UTRN: variants seen among roughly 807,000 people sequenced by gnomAD.
The protein encoded by UTRN is dystrophin-related protein 1.
In UTRN, 283 loss-of-function variants were observed where a neutral mutation model predicts 463.9. The ratio of observed to expected loss-of-function variants is 0.61; its 90% CI spans 0.55 to 0.67. The LOEUF (loss-of-function observed/expected upper bound fraction) is 0.67. Among genes scored for constraint, UTRN ranks in the 30% least tolerant of loss-of-function variants. The probability of loss-of-function intolerance (pLI) is 0.00; values close to 1 mark genes in which losing one functional copy is unlikely to be tolerated. For synonymous variants in UTRN, 1,442 were observed against 1,431.5 expected (o/e 1.01, Z -0.17); for missense variants, 3,922 against 4,084.3 (o/e 0.96, Z 1.08).
intron 51 of UTRN, among the ~76,000 whole-genome samples, chr6:144,662,652 G>T (rs1349680821): frequency 6.6e-6 from 1 of 152,156 alleles, no homozygotes; most frequent in Non-Finnish European, 1.5e-5. Flanking sequence ...TTAAGAAAAC[G>T]AGGGTCCACT....
chr6:144,428,009 G>A (rs980789001), intron 7 of UTRN, among the ~76,000 whole-genome samples: 8 of 152,140 alleles, frequency 5.3e-5, no homozygotes, highest in Admixed American at 2.0e-4. Flanking sequence ...GACCTGAGTG[G>A]GGGGAGTAAT....
At chr6:144,491,471 A>G (rs1793070326) in intron 32 of UTRN, among the ~76,000 whole-genome samples, 1 of 152,228 alleles carries the variant, frequency 6.6e-6, no homozygotes, top group African/African-American at 2.4e-5. Flanking sequence ...CTTAGAATGG[A>G]TATCGTAAAA....
intron 19 of UTRN, among the ~76,000 whole-genome samples, chr6:144,457,212 A>C (rs1788940267): frequency 6.6e-6 from 1 of 152,202 alleles, no homozygotes; most frequent in African/African-American, 2.4e-5. Context: ...GGATTAGAGA[A>C]AGGGAGATTC....
intron 50 of UTRN, among the ~76,000 whole-genome samples, chr6:144,557,940 T>G (rs976513748): frequency 2.6e-5 from 4 of 152,222 alleles, no homozygotes; most frequent in Admixed American, 2.6e-4. Flanking sequence ...TTAGCATCTC[T>G]TTAAGACTGC....
chr6:144,572,291 A>G (rs1261646339), intron 50 of UTRN, among the ~76,000 whole-genome samples: 2 of 151,880 alleles, frequency 1.3e-5, no homozygotes, highest in South Asian at 2.1e-4. Flanking sequence ...TTGATTTGCA[A>G]ACTGAGTTCT....
intron 58 of UTRN, 114 bp from the exon 59 acceptor site, chr6:144,771,793 C>G: frequency 1.3e-6 from 1 of 758,614 alleles, no homozygotes; most frequent in Non-Finnish European, 2.0e-6. Flanking sequence ...GATAATTTTG[C>G]ATGTATTTTT....
At chr6:144,382,493 G>A (rs933471788) in intron 2 of UTRN, among the ~76,000 whole-genome samples, 2 of 152,186 alleles carry the variant, frequency 1.3e-5, no homozygotes, top group Admixed American at 6.5e-5. Flanking sequence ...GGGAATTTGT[G>A]CAGTGTACTA....
chr6:144,348,332 G>A (rs746108718), intron 2 of UTRN, among the ~76,000 whole-genome samples: 1 of 152,306 alleles, frequency 6.6e-6, no homozygotes, highest in African/African-American at 2.4e-5. Context: ...GGAAAGGATG[G>A]TGTGTGAAGT....
Position 144,451,509 on chromosome 6 carries a change from C to G in UTRN, c.2196+16C>G, listed in dbSNP as rs1344509532. The G allele has an allele frequency of 6.2e-7, 1 of 1,605,386 alleles. No homozygotes were observed. Among genetic ancestry groups the G allele is most frequent in the Admixed American group, 1.7e-5 (1 of 58,828 alleles). ...GAAGTTGAAGGTAAAAAACATAAACCACATATATCCTAGTGCATAAAATAG... is the reference window on the plus strand; with the variant it reads ...GAAGTTGAAGGTAAAAAACATAAACGACATATATCCTAGTGCATAAAATAG... On this transcript the variant is annotated intron_variant, in intron 18 of 74. Transcript: ENST00000367545.
chr6:144,604,673 G>A (rs1562637512), intron 51 of UTRN, among the ~76,000 whole-genome samples: 2 of 152,044 alleles, frequency 1.3e-5, no homozygotes, highest in Non-Finnish European at 2.9e-5. Flanking sequence ...CAGCACTTTG[G>A]GAGGCTGAGG....
intron 2 of UTRN, among the ~76,000 whole-genome samples, chr6:144,307,688 G>A (rs890773900): frequency 1.3e-5 from 2 of 152,052 alleles, no homozygotes; most frequent in African/African-American, 4.8e-5. Flanking sequence ...AGTTTGAAGG[G>A]CAAAATTTCT....
At chr6:144,355,054 A>C (rs1020114542) in intron 2 of UTRN, among the ~76,000 whole-genome samples, 5 of 151,870 alleles carry the variant, frequency 3.3e-5, no homozygotes, top group African/African-American at 7.3e-5. Flanking sequence ...TTTTTGTTGT[A>C]GTTCAGTGAA....
chr6:144,471,191 T>C (rs1418970680), intron 23 of UTRN, among the ~76,000 whole-genome samples: 1 of 151,096 alleles, frequency 6.6e-6, no homozygotes, highest in African/African-American at 2.4e-5. Flanking sequence ...TGTGCCCTGA[T>C]GGGTCTGCGT....
intron 2 of UTRN, among the ~76,000 whole-genome samples, chr6:144,311,403 A>G (rs532213834): frequency 1.3e-5 from 2 of 152,302 alleles, no homozygotes; most frequent in East Asian, 1.9e-4. Context: ...GTCTTTTGGA[A>G]CACAATTTGA....
intron 73 of UTRN, among the ~76,000 whole-genome samples, chr6:144,846,383 G>A (rs1782014222): frequency 6.6e-6 from 1 of 152,212 alleles, no homozygotes; most frequent in African/African-American, 2.4e-5. Context: ...TGTGTCAAGG[G>A]TGGGTCAAGA....
At chr6:144,542,181 T>C (rs1798031985) in intron 45 of UTRN, among the ~76,000 whole-genome samples, 1 of 152,168 alleles carries the variant, frequency 6.6e-6, no homozygotes, top group South Asian at 2.1e-4. Flanking sequence ...AGAATTGATA[T>C]AGAAAGATGA....
At chr6:144,591,363 G>T (rs942091808) in intron 51 of UTRN, among the ~76,000 whole-genome samples, 2 of 152,136 alleles carry the variant, frequency 1.3e-5, no homozygotes, top group African/African-American at 4.8e-5. Context: ...TTGAGGAAAT[G>T]CAAGAAAAAA....
rs560784337 is a variant in UTRN at position 144,462,667 on chromosome 6, T to G, written c.2867T>G (p.Ile956Ser). The change falls in exon 23 of 75, where the codon ATC becomes AGC. Residue 956 changes from isoleucine to serine, a missense_variant. Ile to Ser is a moderately radical substitution (Grantham distance 142). Coordinates refer to ENST00000367545, the MANE Select transcript of UTRN (RefSeq NM_007124.3). ...ALQEKKTLDE[I>S]LENQKPALHK... ...AACTTTTTCCAGACCCTTGATGAAA[T>G]CCTTGAGAATCAGAAACCTGCATTA... 1 of 1,601,466 alleles carries G rather than the reference T, an allele frequency of 6.2e-7. No homozygotes were observed. The highest frequency in any genetic ancestry group is 2.2e-5 in the East Asian group (1 of 44,760).
chr6:144,746,156 A>T (rs1218494575), intron 54 of UTRN, among the ~76,000 whole-genome samples: 1 of 151,962 alleles, frequency 6.6e-6, no homozygotes, highest in Non-Finnish European at 1.5e-5. Flanking sequence ...ATGCGCTACC[A>T]TACCCAGCTA....
Sources: gnomAD v4.1 joint callset for allele counts (sites outside exome capture counted in the v4.1 genomes callset) on GRCh38, gnomAD v4.1.1 for gene constraint, MANE v1.5 for transcripts, NCBI Gene and HGNC (gene_info 2026-07-23, HGNC 2026-07-21) for gene names.